The following MIS18A variants were observed in gnomAD, a reference collection of about 807,000 sequenced individuals.
MIS18A encodes protein Mis18-alpha.
Under a neutral mutation model 25.0 loss-of-function variants are expected in MIS18A, and 14 were observed. The ratio of observed to expected loss-of-function variants is 0.56; its 90% CI spans 0.37 to 0.88. The LOEUF is 0.88. MIS18A is among the 40% of genes least tolerant of loss of function. The pLI is 0.00. For missense variants in MIS18A, 292 were observed against 290.8 expected (o/e 1.00, Z -0.03); for synonymous variants, 134 against 118.6 (o/e 1.13, Z -0.84).
At chr21:32,219,900 C>A in the MIS18A span, among the ~76,000 whole-genome samples, 10 of 152,198 alleles carry the variant, frequency 6.6e-5, no homozygotes, top group African/African-American at 2.4e-4. Context: ...CACGGCAAAA[C>A]CACTGTAGCC....
chr21:32,278,349 G>A (rs1569017385), intron 1 of MIS18A: 1 of 350,744 alleles, frequency 2.9e-6, no homozygotes, highest in Non-Finnish European at 5.2e-6. Context: ...AGTGCTTACA[G>A]TCTAGTTGAC....
the MIS18A span, among the ~76,000 whole-genome samples, chr21:32,167,971 G>A: frequency 3.9e-5 from 6 of 152,194 alleles, no homozygotes; most frequent in Non-Finnish European, 8.8e-5. Flanking sequence ...TTCTCATGGT[G>A]AAGCCCTAGT....
the MIS18A span, among the ~76,000 whole-genome samples, chr21:32,213,210 T>C: frequency 2.0e-5 from 3 of 152,268 alleles, no homozygotes; most frequent in African/African-American, 7.2e-5. Context: ...AATATAACAT[T>C]ACCGAGATAT....
In MIS18A at chr21:32,278,973, A is replaced by G. The variant is rs1365425147; in HGVS notation, c.42T>C (p.Ala14=). ...VRSLRCSRGC[A]GGCECGDKGK... ...CCTTGTCGCCGCACTCACAGCCGCC[A>G]GCGCATCCTCTGCTACACCTCAGTG... The change falls in exon 1 of 5, where the codon GCT becomes GCC. Residue 14 remains alanine, a synonymous_variant. Coordinates refer to ENST00000290130, the MANE Select transcript of MIS18A (RefSeq NM_018944.3). 6.2e-7 allele frequency: 1 copy of G among 1,611,586 alleles called. No homozygotes were observed. The highest frequency in any genetic ancestry group is 2.2e-5 in the East Asian group (1 of 44,842).
chr21:32,162,594 T>C, the MIS18A span, among the ~76,000 whole-genome samples: 1 of 152,200 alleles, frequency 6.6e-6, no homozygotes, highest in East Asian at 1.9e-4. Context: ...CATAGTGATA[T>C]TGTTCAAGTA....
At chr21:32,157,054 C>CTTTTT in the MIS18A span, among the ~76,000 whole-genome samples, 51 of 121,508 alleles carry the variant, frequency 4.2e-4, no homozygotes, top group South Asian at 1.1e-3. Flanking sequence ...TTCTTTCTTT[C>CTTTTT]TTTTTTTTTT....
At chr21:32,230,671 C>T in the MIS18A span, among the ~76,000 whole-genome samples, 1 of 152,138 alleles carries the variant, frequency 6.6e-6, no homozygotes, top group Non-Finnish European at 1.5e-5. Flanking sequence ...TATGCTGGAA[C>T]AACTTGGTAT....
the MIS18A span, among the ~76,000 whole-genome samples, chr21:32,157,143 C>A: frequency 6.7e-6 from 1 of 148,508 alleles, no homozygotes; most frequent in African/African-American, 2.5e-5. Flanking sequence ...GCAACCTCTG[C>A]CGCCCGGGTT....
At chr21:32,266,372 T>G (rs1429882039), downstream of MIS18A, among the ~76,000 whole-genome samples, 1 of 152,182 alleles carries the variant, frequency 6.6e-6, no homozygotes, top group South Asian at 2.1e-4. Context: ...GATAAGAGAA[T>G]AAAAGCAGGC....
At chr21:32,275,708 AAACTCC>A (rs1336694343) in intron 1 of MIS18A, among the ~76,000 whole-genome samples, 1 of 152,134 alleles carries the variant, frequency 6.6e-6, no homozygotes, top group Non-Finnish European at 1.5e-5. Context: ...TTAACTCGGT[AAACTCC>A]AACTCCATCT....
chr21:32,259,256 C>G, the MIS18A span, among the ~76,000 whole-genome samples: 2 of 152,156 alleles, frequency 1.3e-5, no homozygotes, highest in Non-Finnish European at 2.9e-5. Flanking sequence ...GCCAGGTCTC[C>G]TCTGTCAGGG....
chr21:32,187,920 G>T, the MIS18A span, among the ~76,000 whole-genome samples: 1 of 152,078 alleles, frequency 6.6e-6, no homozygotes, highest in African/African-American at 2.4e-5. Flanking sequence ...GAGGTGCTTA[G>T]GTTTAGATGA....
the MIS18A span, among the ~76,000 whole-genome samples, chr21:32,211,757 T>G: frequency 6.6e-6 from 1 of 152,344 alleles, no homozygotes; most frequent in Middle Eastern, 3.4e-3. Context: ...TTCATAATCA[T>G]GCAAGCTGCA....
chr21:32,243,033 G>A, the MIS18A span, among the ~76,000 whole-genome samples: 1 of 152,104 alleles, frequency 6.6e-6, no homozygotes, highest in East Asian at 1.9e-4. Context: ...TCCAACAAAC[G>A]GTGTGGACTT....
the MIS18A span, among the ~76,000 whole-genome samples, chr21:32,166,039 A>G: frequency 6.6e-6 from 1 of 152,152 alleles, no homozygotes; most frequent in Non-Finnish European, 1.5e-5. Flanking sequence ...CCAGGTAGAG[A>G]TGCTAGGACG....
the MIS18A span, among the ~76,000 whole-genome samples, chr21:32,250,805 G>A: frequency 3.2e-4 from 49 of 152,178 alleles, no homozygotes; most frequent in Non-Finnish European, 5.9e-4. Context: ...GGGGAAGGAG[G>A]GCTTTTAAAC....
At chr21:32,189,423 T>A in the MIS18A span, among the ~76,000 whole-genome samples, 1 of 152,022 alleles carries the variant, frequency 6.6e-6, no homozygotes, top group East Asian at 1.9e-4. Context: ...GGACCACAGG[T>A]ATGCACCACC....
chr21:32,242,396 C>T, the MIS18A span, among the ~76,000 whole-genome samples: 3 of 152,050 alleles, frequency 2.0e-5, no homozygotes, highest in Non-Finnish European at 2.9e-5. Context: ...TATAAATATA[C>T]ATCATTTTTT....
the MIS18A span, among the ~76,000 whole-genome samples, chr21:32,160,182 G>A: frequency 1.3e-4 from 20 of 152,070 alleles, no homozygotes; most frequent in African/African-American, 4.8e-4. Context: ...AAACCCATCT[G>A]ATGAGAATTT....
Sources: gnomAD v4.1 joint callset for allele counts (sites outside exome capture counted in the v4.1 genomes callset) on GRCh38, gnomAD v4.1.1 for gene constraint, MANE v1.5 for transcripts, NCBI Gene and HGNC (gene_info 2026-07-23, HGNC 2026-07-21) for gene names.